ALDH1A2: variants seen among roughly 807,000 people sequenced by gnomAD.
The protein encoded by ALDH1A2 is aldehyde dehydrogenase 1 family member A2.
A neutral mutation model predicts 60.3 loss-of-function variants in ALDH1A2; 27 were observed. That is an observed-to-expected ratio of 0.45 (90% CI 0.33 to 0.62). The LOEUF is 0.62. ALDH1A2 is among the 20% of genes least tolerant of loss of function. The pLI is 0.02. For synonymous variants in ALDH1A2, 289 were observed against 232.4 expected, an observed-to-expected ratio of 1.24 and a Z score of -2.21; for missense variants, 581 against 643.8, an observed-to-expected ratio of 0.90 and a Z score of 1.06.
intron 1 of ALDH1A2, among the ~76,000 whole-genome samples, chr15:58,037,419 AAG>A (rs1896403853): frequency 6.6e-6 from 1 of 151,682 alleles, no homozygotes; most frequent in Admixed American, 6.6e-5. Context: ...TGACAGGGCT[AAG>A]AGAAAGAAGT....
At chr15:58,064,911 T>C (rs1237378665) in intron 1 of ALDH1A2, among the ~76,000 whole-genome samples, 1 of 152,092 alleles carries the variant, frequency 6.6e-6, no homozygotes, top group Non-Finnish European at 1.5e-5. Flanking sequence ...TAACAAATAT[T>C]AAAACTTTTT....
At chr15:57,993,449 A>G (rs1894959874) in intron 5 of ALDH1A2, among the ~76,000 whole-genome samples, 1 of 152,128 alleles carries the variant, frequency 6.6e-6, no homozygotes, top group Non-Finnish European at 1.5e-5. Context: ...TTACATCACA[A>G]TTTTCACACT....
chr15:58,014,232 G>T lies in ALDH1A2; in HGVS notation c.167C>A (p.Pro56His), dbSNP rs777495771. 1 of 1,614,080 alleles carries T rather than the reference G, an allele frequency of 6.2e-7. No individual in the cohort carries two copies. The highest frequency in any genetic ancestry group is 1.1e-5 in the South Asian group (1 of 91,072). ...TTCTCCTGTGGCTGGATTATAGACA[G>T]GGAACACTCTCCCACTCTCTGAGTT... ...WQNSESGRVFPVYNPATGEQV... is the reference protein window; with the variant it reads ...WQNSESGRVFHVYNPATGEQV... The change falls in exon 2 of 13, where the codon CCT becomes CAT. Residue 56 changes from proline to histidine, a missense_variant. This residue lies in a region of ALDH1A2 where 206 missense variants were observed against 174.1 expected (regional missense o/e 1.18). Transcript: ENST00000249750.
At chr15:57,972,497 A>T (rs1894103631) in intron 7 of ALDH1A2, among the ~76,000 whole-genome samples, 1 of 152,234 alleles carries the variant, frequency 6.6e-6, no homozygotes, top group African/African-American at 2.4e-5. Flanking sequence ...TCTATGTCCC[A>T]TTAACTAGGT....
intron 1 of ALDH1A2, among the ~76,000 whole-genome samples, chr15:58,057,525 C>G (rs558222511): frequency 9.1e-4 from 139 of 152,188 alleles, no homozygotes; most frequent in South Asian, 2.3e-3. Flanking sequence ...ACTAACAAAT[C>G]TAGGTACAGG....
chr15:58,061,342 G>A lies in ALDH1A2; in HGVS notation c.117+4192C>T, dbSNP rs185344284. On this transcript the variant is annotated intron_variant, in intron 1 of 12. Coordinates refer to ENST00000249750, the MANE Select transcript of ALDH1A2 (RefSeq NM_003888.4). ...TGACTGACAATTTATGACCAAAACA[G>A]ACAATCTTAAGTAAAGGTTTGGAAG... 4.8e-4 allele frequency among the ~76,000 whole-genome samples: 73 copies of A among 151,534 alleles called. No individual in the cohort carries two copies. The Middle Eastern group carries it at 0.014, about 28-fold the overall frequency.
At chr15:58,022,926 A>G (rs1215477594) in intron 1 of ALDH1A2, among the ~76,000 whole-genome samples, 2 of 152,236 alleles carry the variant, frequency 1.3e-5, no homozygotes, top group East Asian at 3.8e-4. Context: ...TGCAGATATC[A>G]ACATAAGGAC....
chr15:57,955,157 C>CA lies in ALDH1A2; in HGVS notation c.*39dup, dbSNP rs1893475516. On this transcript the variant is annotated 3_prime_UTR_variant, in exon 13 of 13. Coordinates refer to ENST00000249750, the MANE Select transcript of ALDH1A2 (RefSeq NM_003888.4). ...GCCCTACAGAGAAAGCAGAGAGGGA[C>CA]AGACGTGCAGGCTGGGCTTCATCCT... is the stretch of plus-strand genomic sequence containing the variant. 1 of 1,588,756 alleles carries CA rather than the reference C, an allele frequency of 6.3e-7. No homozygotes were observed. Among genetic ancestry groups the CA allele is most frequent in the African/African-American group, 1.3e-5 (1 of 74,408 alleles).
chr15:58,062,164 T>C (rs1177277502), intron 1 of ALDH1A2, among the ~76,000 whole-genome samples: 1 of 152,110 alleles, frequency 6.6e-6, no homozygotes, highest in African/African-American at 2.4e-5. Context: ...CATTATGTTA[T>C]AAATACCCTC....
At chr15:58,018,238 T>C (rs1296112559) in intron 1 of ALDH1A2, among the ~76,000 whole-genome samples, 2 of 152,052 alleles carry the variant, frequency 1.3e-5, no homozygotes, top group African/African-American at 2.4e-5. Flanking sequence ...CAATGGACAA[T>C]ACTGGAATAA....
At chr15:58,032,981 C>A (rs769636780) in intron 1 of ALDH1A2, among the ~76,000 whole-genome samples, 2 of 151,698 alleles carry the variant, frequency 1.3e-5, no homozygotes, top group Non-Finnish European at 2.9e-5. Flanking sequence ...GAACACATAG[C>A]GGTAATGTAA....
At chr15:58,008,547 T>G (rs1895532052) in intron 4 of ALDH1A2, among the ~76,000 whole-genome samples, 1 of 152,100 alleles carries the variant, frequency 6.6e-6, no homozygotes, top group African/African-American at 2.4e-5. Context: ...TCTTCCCTCC[T>G]GAGGAAGTAA....
intron 1 of ALDH1A2, among the ~76,000 whole-genome samples, chr15:58,063,407 A>G (rs1469962386): frequency 4.6e-5 from 7 of 151,898 alleles, no homozygotes; most frequent in African/African-American, 1.7e-4. Context: ...TATCTTGTTC[A>G]CTCTTCTGTT....
intron 1 of ALDH1A2, among the ~76,000 whole-genome samples, chr15:58,034,750 C>T (rs569207422): frequency 6.6e-6 from 1 of 151,580 alleles, no homozygotes; most frequent in South Asian, 2.1e-4. Flanking sequence ...TCTTTGTCAG[C>T]CCATTGATAA....
intron 7 of ALDH1A2, among the ~76,000 whole-genome samples, chr15:57,971,796 C>T (rs1409505016): frequency 6.6e-6 from 1 of 152,212 alleles, no homozygotes; most frequent in Non-Finnish European, 1.5e-5. Flanking sequence ...GTGATCACGG[C>T]TCACTGCATC....
In ALDH1A2 at chr15:58,013,915, C is replaced by T. The variant is rs150395928; in HGVS notation, c.306G>A (p.Arg102=). The T allele has an allele frequency of 4.3e-6, 7 of 1,614,040 alleles. No individual in the cohort carries two copies. The African/African-American group carries it at 6.7e-5, about 15-fold the overall frequency. The change falls in exon 3 of 13, where the codon AGG becomes AGA. Residue 102 remains arginine (R), a synonymous_variant. Transcript: ENST00000249750. ...SVWRRMDASE[R]GRLLDKLADL... ...CTGCAAGCTTATCCAACAGACGTCCCCTTTCTGAAGCATCCATCCTTCTCC... is the reference window on the plus strand; with the variant it reads ...CTGCAAGCTTATCCAACAGACGTCCTCTTTCTGAAGCATCCATCCTTCTCC...
intron 1 of ALDH1A2, among the ~76,000 whole-genome samples, chr15:58,045,333 T>TGTC (rs1896612019): frequency 6.6e-6 from 1 of 152,016 alleles, no homozygotes. Flanking sequence ...GGAGACAGTG[T>TGTC]GTCGACTCCT....
intron 1 of ALDH1A2, among the ~76,000 whole-genome samples, chr15:58,024,639 T>G (rs1451124716): frequency 2.0e-5 from 3 of 152,176 alleles, no homozygotes; most frequent in Non-Finnish European, 4.4e-5. Flanking sequence ...CTGTCAGCAC[T>G]AGACAGATCA....
At chr15:57,970,208 T>G (rs1232800530) in intron 7 of ALDH1A2, among the ~76,000 whole-genome samples, 1 of 152,210 alleles carries the variant, frequency 6.6e-6, no homozygotes, top group African/African-American at 2.4e-5. Context: ...CCTCATCTTT[T>G]TTTAGTTTCC....
Sources: gnomAD v4.1 joint callset for allele counts (sites outside exome capture counted in the v4.1 genomes callset) on GRCh38, gnomAD v4.1.1 for gene constraint, gnomAD v4.1.1 regional missense constraint, MANE v1.5 for transcripts, NCBI Gene and HGNC (gene_info 2026-07-23, HGNC 2026-07-21) for gene names.